Variants in KIAA0319 observed in about 807,000 individuals in gnomAD.
KIAA0319 encodes KIAA0319.
KIAA0319 carries 83 observed loss-of-function variants against 108.4 expected under a neutral mutation model. That is an observed-to-expected ratio of 0.77 (90% CI 0.64 to 0.92). The LOEUF is 0.92. Ranked by LOEUF, KIAA0319 falls within the 40% of genes least tolerant of loss-of-function variation. KIAA0319 has a pLI of 0.00. For missense variants in KIAA0319, 1,195 were observed against 1,322.4 expected, an observed-to-expected ratio of 0.90 and a Z score of 1.49; for synonymous variants, 484 against 510.4, an observed-to-expected ratio of 0.95 and a Z score of 0.70.
chr6:24,562,450 T>C lies in KIAA0319; in HGVS notation c.2591+909A>G, dbSNP rs2127441456. 2.0e-5 allele frequency among the ~76,000 whole-genome samples: 3 copies of C among 152,328 alleles called. No homozygotes were observed. The East Asian group carries it at 5.8e-4, about 29-fold the overall frequency. On this transcript the variant is annotated intron_variant, in intron 16 of 20. Coordinates refer to ENST00000378214, the MANE Select transcript of KIAA0319 (RefSeq NM_014809.4). ...CTAACCAAAGTGGAAGAGCTGACAA[T>C]AGCTAGGCAAATGGAGTTACTGTGA...
At chr6:24,611,084 C>T (rs1240130424) in intron 1 of KIAA0319, among the ~76,000 whole-genome samples, 2 of 151,824 alleles carry the variant, frequency 1.3e-5, no homozygotes, top group African/African-American at 4.8e-5. Context: ...GGATGGTCAA[C>T]TCCACATAGA....
chr6:24,568,778 C>T lies in KIAA0319; in HGVS notation c.2140+3G>A, dbSNP rs41271795. ...CAGCCCTGTCCACCTCAGACCCACT[C>T]ACCCTTCTTCACAGCCACAGTGAGG... On this transcript the variant is annotated splice_donor_region_variant and intron_variant, in intron 13 of 20. Transcript: ENST00000378214. 2.4e-3 allele frequency: 3,921 copies of T among 1,613,720 alleles called. 3 individuals carry two copies. Among genetic ancestry groups the T allele is most frequent in the Non-Finnish European group, 3.1e-3 (3,645 of 1,179,858 alleles).
intron 6 of KIAA0319, 98 bp downstream of exon 6, chr6:24,582,151 A>G: frequency 1.4e-6 from 1 of 738,678 alleles, no homozygotes; most frequent in Non-Finnish European, 2.4e-6. Context: ...GTCCCCAAAA[A>G]GAAGAAAGAC....
chr6:24,594,157 C>T (rs1181568148), intron 3 of KIAA0319, among the ~76,000 whole-genome samples: 1 of 117,120 alleles, frequency 8.5e-6, no homozygotes, highest in East Asian at 3.0e-4. Flanking sequence ...CAAGACCATG[C>T]CACTGCACTC....
chr6:24,574,042 G>A (rs191833896), intron 10 of KIAA0319, among the ~76,000 whole-genome samples: 2 of 152,252 alleles, frequency 1.3e-5, no homozygotes, highest in African/African-American at 4.8e-5. Context: ...TTGAACTCAG[G>A]GGGTGGAGGT....
intron 1 of KIAA0319, among the ~76,000 whole-genome samples, chr6:24,642,092 AGGAAG>A (rs1011867631): frequency 3.3e-5 from 4 of 122,624 alleles, no homozygotes; most frequent in Non-Finnish European, 5.0e-5. Flanking sequence ...GAAAGAAGAA[AGGAAG>A]GGAAGGGAAG....
At chr6:24,563,851 C>T (rs1763450267) in intron 15 of KIAA0319, among the ~76,000 whole-genome samples, 1 of 152,218 alleles carries the variant, frequency 6.6e-6, no homozygotes, top group Non-Finnish European at 1.5e-5. Context: ...GGGCACTTCC[C>T]AGTCCAGTTT....
Position 24,614,146 on chromosome 6 carries a change from C to T in KIAA0319, c.-105-12938G>A, listed in dbSNP as rs931406353. ...GGTTTCCTAAGACTGTGATGAATTGCGAGCATGTTTCACAGATTGATTCAA... is the reference window on the plus strand; with the variant it reads ...GGTTTCCTAAGACTGTGATGAATTGTGAGCATGTTTCACAGATTGATTCAA... On this transcript the variant is annotated intron_variant, in intron 1 of 20. Coordinates refer to ENST00000378214, the MANE Select transcript of KIAA0319 (RefSeq NM_014809.4). Among the ~76,000 whole-genome samples, 11 of 152,260 alleles carry T rather than the reference C, an allele frequency of 7.2e-5. No homozygotes were observed. The East Asian group carries it at 1.3e-3, about 19-fold the overall frequency.
rs1760713206 is a variant in KIAA0319 at position 24,547,016 on chromosome 6, A to C, written c.*149T>G. ...AAAGTTTTTGTTTTGTGCCTTCAAA[A>C]ACCGGTCTTTTAGTACGTGGGGATA... On this transcript the variant is annotated 3_prime_UTR_variant, in exon 21 of 21. Coordinates refer to ENST00000378214, the MANE Select transcript of KIAA0319 (RefSeq NM_014809.4). The C allele has an allele frequency of 1.3e-6, 1 of 768,224 alleles. No individual in the cohort carries two copies. The highest frequency in any genetic ancestry group is 2.1e-6 in the Non-Finnish European group (1 of 476,688). The allele number at this position is 768,224 out of a possible 1,614,324, so 47.6% of individuals were successfully genotyped here. A position where few individuals can be genotyped will look rare whatever the true frequency, so the allele number is the denominator to read the frequency against.
chr6:24,584,017 A>C (rs1175606831), intron 4 of KIAA0319, among the ~76,000 whole-genome samples: 1 of 152,114 alleles, frequency 6.6e-6, no homozygotes, highest in African/African-American at 2.4e-5. Context: ...AATTGGGTCC[A>C]TTTTCTCCCT....
Position 24,599,612 on chromosome 6 carries a change from A to C in KIAA0319, c.55+1437T>G. 2 of 623,476 alleles carry C rather than the reference A, an allele frequency of 3.2e-6. No homozygotes were observed. The highest frequency in any genetic ancestry group is 3.9e-5 in the Admixed American group (2 of 50,766). 38.6% of individuals were successfully genotyped at this position (623,476 alleles called of 1,614,324 possible). On this transcript the variant is annotated intron_variant, in intron 2 of 20. Transcript: ENST00000378214. This position sits in a 1 kb window ranked among gnomAD's most constrained non-coding sequence, Gnocchi z 4.1. ...ATACAAAGACCACCAGTGGCTACTC[A>C]GGTGAGCTGAGCTCAGCCTATGGGG...
chr6:24,552,403 C>A (rs1292983535), intron 19 of KIAA0319, among the ~76,000 whole-genome samples: 2 of 152,170 alleles, frequency 1.3e-5, no homozygotes, highest in Non-Finnish European at 2.9e-5. Flanking sequence ...GCATCATCAT[C>A]TTCTACTTGA....
intron 3 of KIAA0319, among the ~76,000 whole-genome samples, chr6:24,594,267 A>G (rs1020827645): frequency 1.3e-5 from 2 of 150,312 alleles, no homozygotes; most frequent in Non-Finnish European, 3.0e-5. Context: ...TTTTAATCCA[A>G]TTATAAGTAA....
chr6:24,565,016 G>A (rs192481726), intron 14 of KIAA0319, among the ~76,000 whole-genome samples: 2 of 151,658 alleles, frequency 1.3e-5, no homozygotes, highest in East Asian at 3.9e-4. Flanking sequence ...GGGAGGCAAA[G>A]GCAGGCGGAT....
chr6:24,564,245 C>G lies in KIAA0319; in HGVS notation c.2388G>C (p.Gln796His), dbSNP rs201132279. 1 of 1,614,106 alleles carries G rather than the reference C, an allele frequency of 6.2e-7. No homozygotes were observed. Among genetic ancestry groups the G allele is most frequent in the East Asian group, 2.2e-5 (1 of 44,882 alleles). Residue 796 changes from glutamine to histidine, a missense_variant, in exon 15 of 21, where the codon CAG becomes CAC. Gln to His is a conservative substitution (Grantham distance 24). Coordinates refer to ENST00000378214, the MANE Select transcript of KIAA0319 (RefSeq NM_014809.4). ...TGGCAGTGTCTGTGTCCGAGGCCCC[C>G]TGACTGTCGGTGACTCGCAAGTGGA... ...YTFHLRVTDS[Q>H]GASDTDTATV...
intron 2 of KIAA0319, among the ~76,000 whole-genome samples, chr6:24,597,042 T>C (rs1769757555): frequency 6.6e-6 from 1 of 151,950 alleles, no homozygotes; most frequent in South Asian, 2.1e-4. Flanking sequence ...ACTCCATCCC[T>C]CCACCCATCC....
intron 2 of KIAA0319, chr6:24,598,212 G>A (rs1385958858): frequency 1.2e-5 from 6 of 516,266 alleles, no homozygotes; most frequent in African/African-American, 9.7e-5. Context: ...CCAGTGGTAT[G>A]GAGGGCATCA....
rs1223941425 is a variant in KIAA0319, at chr6:24,545,909, G to A, written c.*1256C>T. 2.6e-5 allele frequency: 4 copies of A among 152,182 alleles called. No homozygotes were observed. The highest frequency in any genetic ancestry group is 9.7e-5 in the African/African-American group (4 of 41,434). The allele number at this position is 152,182 out of a possible 1,614,324, so 9.4% of individuals were successfully genotyped here. ...TGCTCACACTTGGTACCACAACACTGGTTCTATCTCTCATTCTAATCTTCC... is the reference window on the plus strand; with the variant it reads ...TGCTCACACTTGGTACCACAACACTAGTTCTATCTCTCATTCTAATCTTCC... On this transcript the variant is annotated 3_prime_UTR_variant, in exon 21 of 21. Coordinates refer to ENST00000378214, the MANE Select transcript of KIAA0319 (RefSeq NM_014809.4).
intron 1 of KIAA0319, among the ~76,000 whole-genome samples, chr6:24,624,204 T>G (rs979258987): frequency 7.0e-5 from 2 of 28,574 alleles, no homozygotes; most frequent in East Asian, 3.2e-3. Context: ...TTTGGGGTTG[T>G]TTTTTTTTTT....
Sources: gnomAD v4.1 joint callset for allele counts (sites outside exome capture counted in the v4.1 genomes callset) on GRCh38, gnomAD v4.1.1 for gene constraint, Gnocchi (gnomAD v3.1) non-coding constraint, MANE v1.5 for transcripts, NCBI Gene and HGNC (gene_info 2026-07-23, HGNC 2026-07-21) for gene names.